ARSB: variants seen among roughly 807,000 people sequenced by gnomAD.
The protein encoded by ARSB is N-acetylgalactosamine-4-sulfatase.
ARSB carries 41 observed loss-of-function variants against 50.9 expected under a neutral mutation model. That is an observed-to-expected ratio of 0.81 (90% CI 0.63 to 1.04). The LOEUF (loss-of-function observed/expected upper bound fraction) is 1.04. Ranked by LOEUF, ARSB falls within the 50% of genes least tolerant of loss-of-function variation. ARSB has a pLI of 0.00. For missense variants in ARSB, 672 were observed against 693.3 expected (o/e 0.97, Z 0.35); for synonymous variants, 269 against 284.8 (o/e 0.94, Z 0.56).
intron 5 of ARSB, among the ~76,000 whole-genome samples, chr5:78,852,828 C>T (rs1745899550): frequency 6.6e-6 from 1 of 152,182 alleles, no homozygotes; most frequent in Non-Finnish European, 1.5e-5. Flanking sequence ...CACTGATACC[C>T]TTTCTTCCAG....
chr5:78,841,592 G>T (rs189595578), intron 5 of ARSB, among the ~76,000 whole-genome samples: 3 of 151,946 alleles, frequency 2.0e-5, no homozygotes, highest in Non-Finnish European at 2.9e-5. Context: ...ACATAACTAC[G>T]CAGCTTTAAA....
chr5:78,953,949 T>C (rs909735755), intron 4 of ARSB, among the ~76,000 whole-genome samples: 6 of 151,892 alleles, frequency 4.0e-5, no homozygotes, highest in Middle Eastern at 6.3e-3. Flanking sequence ...CATCTATAAA[T>C]TAAAAACAGA....
chr5:78,970,944 C>T (rs1752428365), intron 1 of ARSB, among the ~76,000 whole-genome samples: 1 of 152,118 alleles, frequency 6.6e-6, no homozygotes, highest in Admixed American at 6.5e-5. Flanking sequence ...CCAGCCTGGG[C>T]AACAGAGCAA....
chr5:78,788,020 A>T (rs1240878872), intron 6 of ARSB, among the ~76,000 whole-genome samples: 1 of 152,232 alleles, frequency 6.6e-6, no homozygotes, highest in Non-Finnish European at 1.5e-5. Flanking sequence ...GAACCAGTTA[A>T]ACAGGACATT....
At chr5:78,791,395 C>T (rs1749232088) in intron 6 of ARSB, among the ~76,000 whole-genome samples, 1 of 152,200 alleles carries the variant, frequency 6.6e-6, no homozygotes, top group African/African-American at 2.4e-5. Context: ...TCAGTTTATA[C>T]TAAACATCTG....
At chr5:78,925,979 G>A (rs909506475) in intron 4 of ARSB, among the ~76,000 whole-genome samples, 2 of 152,074 alleles carry the variant, frequency 1.3e-5, no homozygotes, top group African/African-American at 4.8e-5. Context: ...TCGTGAGTTT[G>A]TCCATAGAAA....
At chr5:78,871,210 G>A (rs1382755005) in intron 5 of ARSB, among the ~76,000 whole-genome samples, 1 of 151,686 alleles carries the variant, frequency 6.6e-6, no homozygotes, top group Admixed American at 6.6e-5. Flanking sequence ...TGGGTAGGAA[G>A]AATCAATATC....
Position 78,780,564 on chromosome 5 carries a change from G to A in ARSB, c.1435C>T (p.Arg479Trp), listed in dbSNP as rs758641798. The A allele has an allele frequency of 2.7e-5, 43 of 1,613,922 alleles. No homozygotes were observed. Among genetic ancestry groups the A allele is most frequent in the South Asian group, 1.3e-4 (12 of 91,072 alleles). Reference protein sequence around the residue: ...TKTLWLFDIDRDPEERHDLSR... With the variant: ...TKTLWLFDIDWDPEERHDLSR... ...AGGTCATGTCTTTCTTCAGGGTCCC[G>A]ATCAATATCAAAGAGCCAGAGGGTC... The change falls in exon 8 of 8, where the codon CGG becomes TGG. Residue 479 changes from arginine to tryptophan, a missense_variant. Arg to Trp is a moderately radical substitution (Grantham distance 101). Coordinates refer to ENST00000264914, the MANE Select transcript of ARSB (RefSeq NM_000046.5).
intron 4 of ARSB, among the ~76,000 whole-genome samples, chr5:78,906,706 T>G (rs1289745302): frequency 6.6e-6 from 1 of 152,192 alleles, no homozygotes; most frequent in Admixed American, 6.5e-5. Context: ...ACCTAAGTAC[T>G]TTTAAGAAGC....
chr5:78,817,167 C>T, intron 6 of ARSB: 3 of 952,810 alleles, frequency 3.1e-6, no homozygotes, highest in Non-Finnish European at 3.7e-6. Flanking sequence ...TTAGTAGGCA[C>T]AAAATAACAA....
chr5:78,850,937 G>C (rs1472469074), intron 5 of ARSB, among the ~76,000 whole-genome samples: 3 of 152,112 alleles, frequency 2.0e-5, no homozygotes, highest in African/African-American at 7.2e-5. Context: ...GCGTCTATTT[G>C]ATTCTTCTCT....
intron 1 of ARSB, among the ~76,000 whole-genome samples, chr5:78,984,193 A>G (rs1753040813): frequency 6.6e-6 from 1 of 152,212 alleles, no homozygotes; most frequent in East Asian, 1.9e-4. Flanking sequence ...CAACTACCTC[A>G]TGCACTGTTT....
intron 3 of ARSB, among the ~76,000 whole-genome samples, chr5:78,956,001 TAG>T (rs565386997): frequency 8.5e-4 from 130 of 152,290 alleles, no homozygotes; most frequent in African/African-American, 3.1e-3. Context: ...TTGTAAAACA[TAG>T]AGTTACCATA....
intron 4 of ARSB, among the ~76,000 whole-genome samples, chr5:78,929,974 C>T (rs1177074615): frequency 1.3e-5 from 2 of 152,064 alleles, no homozygotes; most frequent in African/African-American, 4.8e-5. Context: ...TGGGACCAGC[C>T]TGATGATCAC....
At chr5:78,868,146 G>T (rs1014363821) in intron 5 of ARSB, among the ~76,000 whole-genome samples, 2,558 of 141,628 alleles carry the variant, frequency 0.018, 85 homozygotes, top group African/African-American at 0.064. Context: ...AAGCCTCCAA[G>T]AAATATGGGA....
At chr5:78,909,059 G>A (rs1171861146) in intron 4 of ARSB, among the ~76,000 whole-genome samples, 1 of 152,154 alleles carries the variant, frequency 6.6e-6, no homozygotes, top group Non-Finnish European at 1.5e-5. Flanking sequence ...GTATAGTCTC[G>A]AAAGGCAGTG....
chr5:78,867,509 C>G (rs918390451), intron 5 of ARSB, among the ~76,000 whole-genome samples: 3 of 152,158 alleles, frequency 2.0e-5, no homozygotes, highest in African/African-American at 7.2e-5. Context: ...GGTCCCTGAC[C>G]CCTGACCCCC....
intron 4 of ARSB, among the ~76,000 whole-genome samples, chr5:78,905,342 C>CTGTTTTTTT (rs1749005310): frequency 4.2e-5 from 2 of 48,070 alleles, no homozygotes; most frequent in African/African-American, 1.4e-4. Flanking sequence ...TCGTATTTTC[C>CTGTTTTTTT]TGTTTTTTTT....
At chr5:78,909,144 GT>G (rs1452104941) in intron 4 of ARSB, among the ~76,000 whole-genome samples, 1 of 152,164 alleles carries the variant, frequency 6.6e-6, no homozygotes, top group African/African-American at 2.4e-5. Flanking sequence ...ACTGCAAAAG[GT>G]TTCTGGGTCA....
Sources: allele counts gnomAD v4.1 joint callset (sites outside exome capture counted in the v4.1 genomes callset), GRCh38; gene constraint gnomAD v4.1.1; transcripts MANE v1.5; gene names NCBI Gene and HGNC (gene_info 2026-07-23, HGNC 2026-07-21).